COLGALT2: variants seen among roughly 807,000 people sequenced by gnomAD.
The protein encoded by COLGALT2 is procollagen galactosyltransferase 2.
COLGALT2 carries 49 observed loss-of-function variants against 73.4 expected under a neutral mutation model. That is an observed-to-expected ratio of 0.67 (90% CI 0.53 to 0.85). The LOEUF is 0.85. Among genes scored for constraint, COLGALT2 ranks in the 40% least tolerant of loss-of-function variants. COLGALT2 has a pLI of 0.00. For missense variants in COLGALT2, 722 were observed against 790.2 expected (o/e 0.91, Z 1.03); for synonymous variants, 295 against 307.6 (o/e 0.96, Z 0.43).
At chr1:183,992,913 A>G (rs1323486793) in intron 1 of COLGALT2, among the ~76,000 whole-genome samples, 1 of 152,136 alleles carries the variant, frequency 6.6e-6, no homozygotes, top group Non-Finnish European at 1.5e-5. Flanking sequence ...GGTACTCAAT[A>G]ATGTATTTCT....
In COLGALT2 at chr1:183,938,718, C is replaced by A. The variant is rs368630336; in HGVS notation, c.*43G>T. 2 of 1,598,408 alleles carry A rather than the reference C, an allele frequency of 1.3e-6. No individual in the cohort carries two copies. Among genetic ancestry groups the A allele is most frequent in the African/African-American group, 2.7e-5 (2 of 74,396 alleles). On this transcript the variant is annotated 3_prime_UTR_variant, in exon 12 of 12. Transcript: ENST00000361927. ...CAGATGAATAGCCCTTTAGAAAAAC[C>A]AGAGGATGTTGAACTGATGTGGGCC...
At chr1:183,964,285 G>T in intron 5 of COLGALT2, 1 of 421,424 alleles carries the variant, frequency 2.4e-6, no homozygotes, top group Non-Finnish European at 4.2e-6. Flanking sequence ...CAAACTCATG[G>T]CCTGGAATGA....
Position 183,965,047 on chromosome 1 carries a change from C to T in COLGALT2, c.833-1027G>A, listed in dbSNP as rs188960815. 7.2e-5 allele frequency among the ~76,000 whole-genome samples: 11 copies of T among 152,338 alleles called. No individual in the cohort carries two copies. The East Asian group carries it at 1.9e-3, about 27-fold the overall frequency. On this transcript the variant is annotated intron_variant, in intron 5 of 11. Coordinates refer to ENST00000361927, the MANE Select transcript of COLGALT2 (RefSeq NM_015101.4). ...AGGTGAAGCTGTCTCATGGCATTAA[C>T]AGAGAGGAAGGAGAAAAGAAAATAA...
intron 8 of COLGALT2, among the ~76,000 whole-genome samples, chr1:183,948,294 T>C (rs534043005): frequency 8.5e-5 from 13 of 152,180 alleles, no homozygotes; most frequent in South Asian, 4.1e-4. Context: ...CAGACCAATA[T>C]CACTTATTAA....
rs770952748 is a variant in COLGALT2 at position 184,037,166 on chromosome 1, C to T, written c.192G>A (p.Ala64=). ...CGAGGAAGTGCGGCAGCGTGTGCGC[C>T]GCGTTGCGGGCGAGGACCGCCACGA... The part of the protein sequence containing the change: ...TVLVAVLARN[A]AHTLPHFLGC... The change falls in exon 1 of 12, where the codon GCG becomes GCA. Residue 64 remains alanine, a synonymous_variant. Transcript: ENST00000361927. 23 of 1,603,786 alleles carry T rather than the reference C, an allele frequency of 1.4e-5. No homozygotes were observed. In the African/African-American group the frequency reaches 1.6e-4, roughly 11 times the overall value.
At chr1:183,963,061 G>C (rs1317617753) in intron 6 of COLGALT2, among the ~76,000 whole-genome samples, 1 of 152,196 alleles carries the variant, frequency 6.6e-6, no homozygotes, top group Non-Finnish European at 1.5e-5. Context: ...TCTTCCCCTA[G>C]GTTAGGTGGA....
chr1:183,959,696 A>C (rs1670645103), intron 6 of COLGALT2, among the ~76,000 whole-genome samples: 2 of 151,836 alleles, frequency 1.3e-5, no homozygotes, highest in South Asian at 4.2e-4. Flanking sequence ...CTAAATGCAC[A>C]AGTCACTTCA....
At chr1:183,959,068 C>G (rs1178711239) in intron 6 of COLGALT2, among the ~76,000 whole-genome samples, 1 of 152,124 alleles carries the variant, frequency 6.6e-6, no homozygotes, top group Non-Finnish European at 1.5e-5. Flanking sequence ...TCACAGACCT[C>G]TCTCTTGACA....
Position 183,936,151 on chromosome 1 carries a change from C to T in COLGALT2, c.*2610G>A, listed in dbSNP as rs984058493. ...GGGTTTAGCCTCCAGAGGCAGAGAG[C>T]GGGTGCCAGGCCCAGATGCAAAGGC... On this transcript the variant is annotated 3_prime_UTR_variant, in exon 12 of 12. Coordinates refer to ENST00000361927, the MANE Select transcript of COLGALT2 (RefSeq NM_015101.4). 8.1e-6 allele frequency: 8 copies of T among 985,462 alleles called. No homozygotes were observed. Among genetic ancestry groups the T allele is most frequent in the East Asian group, 1.1e-4 (1 of 8,832 alleles). The allele number at this position is 985,462 out of a possible 1,614,324, so 61.0% of individuals were successfully genotyped here. A position where few individuals can be genotyped will look rare whatever the true frequency, so the allele number is the denominator to read the frequency against.
chr1:183,997,555 G>C (rs754843099), intron 1 of COLGALT2, among the ~76,000 whole-genome samples: 13 of 152,154 alleles, frequency 8.5e-5, no homozygotes, highest in Admixed American at 2.0e-4. Flanking sequence ...TAACACTAAC[G>C]ATAGCTGATG....
Position 184,030,164 on chromosome 1 carries a change from A to G in COLGALT2, c.263+6931T>C, listed in dbSNP as rs565771542. Among the ~76,000 whole-genome samples the G allele has an allele frequency of 2.0e-5, 3 of 152,316 alleles. No homozygotes were observed. The South Asian group carries it at 6.2e-4, about 32-fold the overall frequency. ...CTGAAGTACTATTAAAAATCCATAA[A>G]GACCCTAAGGGATTCAAATTTTTAA... On this transcript the variant is annotated intron_variant, in intron 1 of 11. Transcript: ENST00000361927.
downstream of COLGALT2, among the ~76,000 whole-genome samples, chr1:183,935,496 G>A (rs1669929570): frequency 6.6e-6 from 1 of 152,180 alleles, no homozygotes; most frequent in Non-Finnish European, 1.5e-5. Flanking sequence ...CTTTGGCCTT[G>A]GACTGGTATC....
At chr1:183,996,672 G>A (rs1671777847) in intron 1 of COLGALT2, among the ~76,000 whole-genome samples, 1 of 152,184 alleles carries the variant, frequency 6.6e-6, no homozygotes, top group African/African-American at 2.4e-5. Context: ...AAACCTCAGT[G>A]CAGTGGCCTT....
Position 183,936,635 on chromosome 1 carries a change from C to A in COLGALT2, c.*2126G>T, listed in dbSNP as rs529821574. 10 of 1,213,184 alleles carry A rather than the reference C, an allele frequency of 8.2e-6. No homozygotes were observed. In the South Asian group the frequency reaches 4.3e-4, roughly 52 times the overall value. 75.2% of individuals were successfully genotyped at this position (1,213,184 alleles called of 1,614,324 possible). ...CATTAAAAAAGTCATTAAAGTCATGCACACATGCACACACTCAAATATGAA... is the reference window on the plus strand; with the variant it reads ...CATTAAAAAAGTCATTAAAGTCATGAACACATGCACACACTCAAATATGAA... On this transcript the variant is annotated 3_prime_UTR_variant, in exon 12 of 12. Coordinates refer to ENST00000361927, the MANE Select transcript of COLGALT2 (RefSeq NM_015101.4).
chr1:183,954,375 C>A (rs958514962), intron 7 of COLGALT2, among the ~76,000 whole-genome samples: 2 of 152,122 alleles, frequency 1.3e-5, no homozygotes, highest in Non-Finnish European at 1.5e-5. Flanking sequence ...AGAATAGTTT[C>A]CACTTGCTCA....
At chr1:183,930,569 C>CTTTTTTTTTTTTTTTTTTT (rs397861890) in intron 11 of COLGALT2, among the ~76,000 whole-genome samples, 10 of 114,068 alleles carry the variant, frequency 8.8e-5, no homozygotes, top group South Asian at 2.9e-4. Context: ...TTTTCTTTTT[C>CTTTTTTTTTTTTTTTTTTT]TTTTTTTTTT....
chr1:183,936,119 C>G lies in COLGALT2; in HGVS notation c.*2642G>C. On this transcript the variant is annotated 3_prime_UTR_variant, in exon 12 of 12. Coordinates refer to ENST00000361927, the MANE Select transcript of COLGALT2 (RefSeq NM_015101.4). ...TCCCACGTTAGATCCCAAGAGAAATCCAGACAGGGTTTAGCCTCCAGAGGC... is the reference window on the plus strand; with the variant it reads ...TCCCACGTTAGATCCCAAGAGAAATGCAGACAGGGTTTAGCCTCCAGAGGC... 1 of 985,686 alleles carries G rather than the reference C, an allele frequency of 1.0e-6. No homozygotes were observed. The highest frequency in any genetic ancestry group is 1.2e-6 in the Non-Finnish European group (1 of 830,160). The allele number at this position is 985,686 out of a possible 1,614,324, so 61.1% of individuals were successfully genotyped here.
rs1670189479 is a variant in COLGALT2 at position 183,944,256 on chromosome 1, T to A, written c.1337A>T (p.Lys446Met). 1 of 1,613,960 alleles carries A rather than the reference T, an allele frequency of 6.2e-7. No individual in the cohort carries two copies. The highest frequency in any genetic ancestry group is 8.5e-7 in the Non-Finnish European group (1 of 1,179,990). ...ATCCATCAGCTTCATCAGCTTCTTCTTAAACTGATGCTCAAAACGCACATC... is the reference window on the plus strand; with the variant it reads ...ATCCATCAGCTTCATCAGCTTCTTCATAAACTGATGCTCAAAACGCACATC... ...EDDVRFEHQF[K>M]KKLMKLMDNI... Residue 446 changes from lysine to methionine, a missense_variant, in exon 10 of 12, where the codon AAG becomes ATG. Coordinates refer to ENST00000361927, the MANE Select transcript of COLGALT2 (RefSeq NM_015101.4).
rs369311403 is a variant in COLGALT2, at chr1:183,962,977, GCCCACGTTCACA to G, written c.952+912_952+923del. 3.9e-3 allele frequency among the ~76,000 whole-genome samples: 595 copies of G among 152,236 alleles called. 3 individuals are homozygous for G. Among genetic ancestry groups the G allele is most frequent in the African/African-American group, 0.014 (572 of 41,544 alleles). On this transcript the variant is annotated intron_variant, in intron 6 of 11. Transcript: ENST00000361927. ...CTGTTCCTCCCTAACCACCTCCACT[GCCCACGTTCACA>G]CCCCCGTGCTCTACTGATGAATAAC...
Sources: gnomAD v4.1 joint callset for allele counts (sites outside exome capture counted in the v4.1 genomes callset) on GRCh38, gnomAD v4.1.1 for gene constraint, MANE v1.5 for transcripts, NCBI Gene and HGNC (gene_info 2026-07-23, HGNC 2026-07-21) for gene names.